Variants in DLGAP2 observed in about 807,000 individuals in gnomAD.
DLGAP2 encodes the protein disks large-associated protein 2.
DLGAP2 carries 26 observed loss-of-function variants against 100.3 expected under a neutral mutation model. The ratio of observed to expected loss-of-function variants is 0.26; its 90% CI spans 0.19 to 0.36. The LOEUF (loss-of-function observed/expected upper bound fraction) is 0.36. Ranked by LOEUF, DLGAP2 falls within the 10% of genes least tolerant of loss-of-function variation. The pLI is 1.00. For synonymous variants in DLGAP2, 886 were observed against 630.1 expected (o/e 1.41, Z -6.08); for missense variants, 1,858 against 1,453.2 (o/e 1.28, Z -4.53).
intron 3 of DLGAP2, among the ~76,000 whole-genome samples, chr8:1,468,384 G>T (rs1323644861): frequency 6.6e-6 from 1 of 152,076 alleles, no homozygotes; most frequent in Non-Finnish European, 1.5e-5. Flanking sequence ...TCCATTCTGA[G>T]AACCTCGCCT....
intron 2 of DLGAP2, among the ~76,000 whole-genome samples, chr8:925,679 A>G (rs1349542983): frequency 6.6e-6 from 1 of 152,170 alleles, no homozygotes; most frequent in East Asian, 1.9e-4. Context: ...CCATGCTTAT[A>G]TATATAAATC....
chr8:1,169,902 A>G (rs1585118655), intron 2 of DLGAP2, among the ~76,000 whole-genome samples: 1 of 152,150 alleles, frequency 6.6e-6, no homozygotes, highest in East Asian at 1.9e-4. Flanking sequence ...TGCCCTGGCT[A>G]GAACTTCCAA....
chr8:1,325,347 C>A (rs550550385), intron 3 of DLGAP2, among the ~76,000 whole-genome samples: 9 of 152,176 alleles, frequency 5.9e-5, no homozygotes, highest in African/African-American at 1.9e-4. Context: ...GCCTGTGTGT[C>A]CAGCCATCTG....
chr8:1,082,727 T>G (rs1448093051), intron 2 of DLGAP2, among the ~76,000 whole-genome samples: 1 of 152,206 alleles, frequency 6.6e-6, no homozygotes, highest in Non-Finnish European at 1.5e-5. Context: ...CTCTTTTCTT[T>G]GTTAAAAATT....
At chr8:1,258,745 G>T in intron 2 of DLGAP2, 106 bp from the exon 3 acceptor site, 2 of 989,656 alleles carry the variant, frequency 2.0e-6, no homozygotes, top group Non-Finnish European at 2.6e-6. Context: ...GTGGTCAAGC[G>T]GCGTCATCTT....
At chr8:866,792 C>T (rs907601354) in intron 1 of DLGAP2, among the ~76,000 whole-genome samples, 1 of 152,212 alleles carries the variant, frequency 6.6e-6, no homozygotes, top group Non-Finnish European at 1.5e-5. Flanking sequence ...TTCTATGACT[C>T]AGACTGGGAT....
chr8:1,655,411 A>T (rs1394082147), intron 8 of DLGAP2, among the ~76,000 whole-genome samples: 1 of 152,358 alleles, frequency 6.6e-6, no homozygotes, highest in South Asian at 2.1e-4. Context: ...AGTGCAATGA[A>T]TGCAAGTGTG....
At chr8:1,171,506 G>A (rs553808792) in intron 2 of DLGAP2, among the ~76,000 whole-genome samples, 178 of 151,904 alleles carry the variant, frequency 1.2e-3, no homozygotes, top group South Asian at 2.7e-3. Context: ...CATTATTAAT[G>A]TGTGGGAGTC....
At chr8:1,692,407 G>C (rs111739296) in intron 13 of DLGAP2, among the ~76,000 whole-genome samples, 16 of 130,634 alleles carry the variant, frequency 1.2e-4, no homozygotes, top group Admixed American at 5.5e-4. Flanking sequence ...CGGTACCGAG[G>C]CAGGGAGGCG....
intron 3 of DLGAP2, among the ~76,000 whole-genome samples, chr8:1,498,620 C>G (rs1799618698): frequency 6.6e-6 from 1 of 152,188 alleles, no homozygotes; most frequent in African/African-American, 2.4e-5. Flanking sequence ...CGTGATAAAG[C>G]TCAGCACATA....
intron 1 of DLGAP2, among the ~76,000 whole-genome samples, chr8:860,864 C>T (rs540472389): frequency 7.2e-5 from 11 of 152,170 alleles, no homozygotes; most frequent in Admixed American, 2.6e-4. Flanking sequence ...CAAATCATGA[C>T]GCCTATGAAG....
At chr8:1,275,716 A>G (rs1405649295) in intron 3 of DLGAP2, among the ~76,000 whole-genome samples, 5 of 32,266 alleles carry the variant, frequency 1.5e-4, no homozygotes, top group Admixed American at 3.3e-4. Flanking sequence ...CTAATAGGAC[A>G]TATATATATA....
At chr8:1,354,181 TCAC>T (rs1342658870) in intron 3 of DLGAP2, among the ~76,000 whole-genome samples, 1 of 152,124 alleles carries the variant, frequency 6.6e-6, no homozygotes, top group Non-Finnish European at 1.5e-5. Context: ...AACAACCTGC[TCAC>T]CAGTGGGATG....
intron 2 of DLGAP2, among the ~76,000 whole-genome samples, chr8:1,088,033 G>A (rs148044562): frequency 1.2e-4 from 18 of 152,326 alleles, no homozygotes; most frequent in Middle Eastern, 3.4e-3. Context: ...GTCCCTTCCC[G>A]TCTGGCTCTG....
At chr8:956,740 C>T (rs1799606693) in intron 2 of DLGAP2, among the ~76,000 whole-genome samples, 1 of 152,254 alleles carries the variant, frequency 6.6e-6, no homozygotes, top group African/African-American at 2.4e-5. Flanking sequence ...GAAGCCCTCT[C>T]CAATCTGTCC....
intron 2 of DLGAP2, among the ~76,000 whole-genome samples, chr8:997,832 G>T (rs772535879): frequency 2.0e-5 from 3 of 151,900 alleles, no homozygotes; most frequent in Admixed American, 1.3e-4. Flanking sequence ...ATACAAACAC[G>T]CATACACGTG....
intron 2 of DLGAP2, among the ~76,000 whole-genome samples, chr8:937,993 A>C (rs780473724): frequency 1.3e-5 from 2 of 152,130 alleles, no homozygotes; most frequent in Non-Finnish European, 2.9e-5. Context: ...TCTTACTCTC[A>C]TATCAGGACC....
intron 3 of DLGAP2, among the ~76,000 whole-genome samples, chr8:1,461,020 G>A (rs560726257): frequency 1.3e-5 from 2 of 152,234 alleles, no homozygotes; most frequent in East Asian, 1.9e-4. Context: ...CAGCTCTCAC[G>A]TGGGCTGGGC....
At chr8:844,500 G>A (rs981386425) in intron 1 of DLGAP2, among the ~76,000 whole-genome samples, 5 of 151,804 alleles carry the variant, frequency 3.3e-5, no homozygotes, top group African/African-American at 7.3e-5. Context: ...AGTCTCTCTC[G>A]ACCCCCTTTC....
Sources: allele counts gnomAD v4.1 joint callset (sites outside exome capture counted in the v4.1 genomes callset), GRCh38; gene constraint gnomAD v4.1.1; transcripts MANE v1.5; gene names NCBI Gene and HGNC (gene_info 2026-07-23, HGNC 2026-07-21).